The following FRMPD4 variants were observed in gnomAD, a reference collection of about 807,000 sequenced individuals.
FRMPD4 encodes FERM and PDZ domain containing 4.
Under a neutral mutation model 94.1 loss-of-function variants are expected in FRMPD4, and 22 were observed. That is an observed-to-expected ratio of 0.23 (90% CI 0.17 to 0.33). The LOEUF (loss-of-function observed/expected upper bound fraction) is 0.33, where lower values mean the gene tolerates loss of function less well. Ranked by LOEUF, FRMPD4 falls within the 10% of genes least tolerant of loss-of-function variation. The pLI, the probability that FRMPD4 is intolerant of heterozygous loss-of-function variation, is 1.00. For synonymous variants in FRMPD4, 631 were observed against 548.6 expected (o/e 1.15, Z -2.10); for missense variants, 1,111 against 1,339.9 (o/e 0.83, Z 2.67).
At chrX:11,981,512 G>A (rs2054396894) in intron 3 of FRMPD4, among the ~76,000 whole-genome samples, 1 of 111,111 alleles carries the variant, frequency 9.0e-6, no homozygotes, top group Admixed American at 9.5e-5. Context: ...TATCTTGTCT[G>A]ATATTAATGT....
At chrX:12,094,275 C>T (rs754202988) in intron 3 of FRMPD4, among the ~76,000 whole-genome samples, 2 of 112,280 alleles carry the variant, frequency 1.8e-5, no homozygotes, top group Admixed American at 1.9e-4. Context: ...AGTTTATTGA[C>T]ATTAATTAAT....
At chrX:12,585,728 A>G (rs1334701338) in intron 2 of FRMPD4, among the ~76,000 whole-genome samples, 1 of 112,274 alleles carries the variant, frequency 8.9e-6, no homozygotes, top group African/African-American at 3.2e-5. Flanking sequence ...CACTAGTCAC[A>G]TGAGGACTGG....
At chrX:12,670,981 A>T (rs1381051068) in intron 4 of FRMPD4, among the ~76,000 whole-genome samples, 2 of 112,157 alleles carry the variant, frequency 1.8e-5, no homozygotes, top group Non-Finnish European at 3.8e-5. Flanking sequence ...AACAAACATG[A>T]CAAAAGCTCA....
Position 12,715,109 on chromosome X carries a change from T to G in FRMPD4, c.1610-960T>G, listed in dbSNP as rs145444155. 4.9e-4 allele frequency among the ~76,000 whole-genome samples: 55 copies of G among 112,022 alleles called. No individual in the cohort carries two copies. The East Asian group carries it at 0.011, about 23-fold the overall frequency. ...GGGAGAATAGTATGGCCCTAAAATT[T>G]TCTGGAAATGTTGCCTCTGGAATCT... On this transcript the variant is annotated intron_variant, in intron 14 of 16. Transcript: ENST00000675598.
chrX:11,899,009 A>G (rs2053919296), intron 3 of FRMPD4, among the ~76,000 whole-genome samples: 1 of 112,675 alleles, frequency 8.9e-6, no homozygotes, highest in African/African-American at 3.2e-5. Context: ...TTAAAGCCAG[A>G]CATTATGTTT....
intron 3 of FRMPD4, among the ~76,000 whole-genome samples, chrX:11,952,775 A>G (rs768806832): frequency 8.9e-6 from 1 of 111,758 alleles, no homozygotes; most frequent in East Asian, 2.8e-4. Context: ...GTGGTTTGGG[A>G]CTTTTGGGCC....
intron 10 of FRMPD4, among the ~76,000 whole-genome samples, chrX:12,703,889 T>C (rs2041831063): frequency 9.0e-6 from 1 of 111,133 alleles, no homozygotes; most frequent in Admixed American, 9.5e-5. Context: ...GAAATAGCCA[T>C]GGAGGAGGGG....
intron 1 of FRMPD4, among the ~76,000 whole-genome samples, chrX:12,227,225 A>C (rs1211540372): frequency 1.8e-5 from 2 of 111,478 alleles, no homozygotes; most frequent in African/African-American, 6.5e-5. Context: ...AGGTTATGGC[A>C]CTGGTGGCAG....
chrX:11,984,265 G>A (rs934302845), intron 3 of FRMPD4, among the ~76,000 whole-genome samples: 2 of 112,016 alleles, frequency 1.8e-5, no homozygotes, highest in East Asian at 2.8e-4. Context: ...CCTCCAACAG[G>A]CAAAATATTT....
intron 1 of FRMPD4, among the ~76,000 whole-genome samples, chrX:12,476,706 G>A (rs771582895): frequency 7.9e-4 from 88 of 111,864 alleles, no homozygotes; most frequent in African/African-American, 2.3e-3. Flanking sequence ...CAACAGACAC[G>A]TGAAAAAATG....
chrX:12,386,655 T>A (rs770989386), intron 1 of FRMPD4, among the ~76,000 whole-genome samples: 1 of 112,108 alleles, frequency 8.9e-6, no homozygotes, highest in East Asian at 2.8e-4. Context: ...GCCTTAGCAG[T>A]TCTTGTGTGT....
upstream of FRMPD4, among the ~76,000 whole-genome samples, chrX:12,133,564 A>G (rs1016723162): frequency 1.8e-5 from 2 of 111,800 alleles, no homozygotes; most frequent in African/African-American, 6.5e-5. Flanking sequence ...TGTTGGGATT[A>G]CAGGCGTGAG....
At chrX:12,448,200 T>C (rs2057223352) in intron 1 of FRMPD4, among the ~76,000 whole-genome samples, 1 of 112,433 alleles carries the variant, frequency 8.9e-6, no homozygotes, top group Non-Finnish European at 1.9e-5. Context: ...TAAAATTTAT[T>C]GAATTCCTAT....
chrX:11,992,309 T>A (rs1242833823), intron 3 of FRMPD4, among the ~76,000 whole-genome samples: 1 of 112,012 alleles, frequency 8.9e-6, no homozygotes, highest in African/African-American at 3.2e-5. Context: ...AGAAGATTAG[T>A]ACTTTAAATT....
At chrX:12,124,938 C>A (rs1345601592) in intron 3 of FRMPD4, among the ~76,000 whole-genome samples, 1 of 112,046 alleles carries the variant, frequency 8.9e-6, no homozygotes, top group African/African-American at 3.2e-5. Context: ...GCCCACTGCT[C>A]ATTTAATGTC....
At chrX:12,189,981 CA>C (rs890890076) in intron 1 of FRMPD4, among the ~76,000 whole-genome samples, 12 of 110,720 alleles carry the variant, frequency 1.1e-4, no homozygotes, top group African/African-American at 3.9e-4. Context: ...CTGAAATAAT[CA>C]ACAAAAAAAT....
chrX:12,539,316 T>C (rs1394313598), intron 2 of FRMPD4, among the ~76,000 whole-genome samples: 1 of 111,910 alleles, frequency 8.9e-6, no homozygotes, highest in East Asian at 2.8e-4. Flanking sequence ...ATCTGATTGG[T>C]GTACCTGAAA....
At chrX:11,954,055 G>A (rs942790469) in intron 3 of FRMPD4, among the ~76,000 whole-genome samples, 2 of 112,103 alleles carry the variant, frequency 1.8e-5, no homozygotes, top group African/African-American at 6.5e-5. Context: ...ATATATCACT[G>A]AAACATTTAA....
At chrX:12,110,284 T>C (rs1438943068) in intron 3 of FRMPD4, among the ~76,000 whole-genome samples, 1 of 112,205 alleles carries the variant, frequency 8.9e-6, no homozygotes, top group African/African-American at 3.2e-5. Context: ...TCAATAAACT[T>C]AATCCAGCAT....
Sources: gnomAD v4.1 joint callset for allele counts (sites outside exome capture counted in the v4.1 genomes callset) on GRCh38, gnomAD v4.1.1 for gene constraint, MANE v1.5 for transcripts, NCBI Gene and HGNC (gene_info 2026-07-23, HGNC 2026-07-21) for gene names.